Variants in ASIC2 observed in about 807,000 individuals in gnomAD.
ASIC2 encodes the protein acid-sensing ion channel 2.
A neutral mutation model predicts 57.3 loss-of-function variants in ASIC2; 25 were observed. The observed-to-expected ratio is 0.44, with a 90% CI of 0.32 to 0.61. The LOEUF is 0.61. Ranked by LOEUF, ASIC2 falls within the 20% of genes least tolerant of loss-of-function variation. The pLI, the probability that ASIC2 is intolerant of heterozygous loss-of-function variation, is 0.06. For missense variants in ASIC2, 641 were observed against 738.1 expected (o/e 0.87, Z 1.52); for synonymous variants, 319 against 307.5 (o/e 1.04, Z -0.39).
At chr17:34,027,219 T>C (rs1365830396) in intron 1 of ASIC2, among the ~76,000 whole-genome samples, 2 of 152,346 alleles carry the variant, frequency 1.3e-5, no homozygotes, top group East Asian at 3.9e-4. Flanking sequence ...CTGGCAAAGA[T>C]GTATTCCTTG....
At position 33,514,528 on chromosome 17, in the gene ASIC2, A is replaced by G. The variant is rs557854468; in HGVS notation, c.556-402461T>C. Among the ~76,000 whole-genome samples, 10 of 152,336 alleles carry G rather than the reference A, an allele frequency of 6.6e-5. No homozygotes were observed. The South Asian group carries it at 2.1e-3, about 32-fold the overall frequency. On this transcript the variant is annotated intron_variant, in intron 1 of 9. Transcript: ENST00000359872. Reference sequence around the variant, plus strand: ...AGCATTGTTTTTGGACAGGAGGCCAACAAGACAAATGGACTCCTACATTCC... The same window carrying G: ...AGCATTGTTTTTGGACAGGAGGCCAGCAAGACAAATGGACTCCTACATTCC...
chr17:33,458,107 A>T (rs1912512849), intron 1 of ASIC2, among the ~76,000 whole-genome samples: 1 of 152,208 alleles, frequency 6.6e-6, no homozygotes, highest in South Asian at 2.1e-4. Flanking sequence ...TAAGTAGTAG[A>T]TCAATGGCAG....
intron 1 of ASIC2, among the ~76,000 whole-genome samples, chr17:33,120,055 G>A (rs764691977): frequency 1.3e-5 from 2 of 152,224 alleles, no homozygotes; most frequent in Non-Finnish European, 2.9e-5. Flanking sequence ...GAGGCTCTGA[G>A]AGGCTGCATA....
At chr17:33,405,798 C>A (rs1910453535) in intron 1 of ASIC2, among the ~76,000 whole-genome samples, 1 of 152,084 alleles carries the variant, frequency 6.6e-6, no homozygotes, top group Admixed American at 6.6e-5. Flanking sequence ...GCACTCCTTT[C>A]ATATGTAAAC....
chr17:33,724,404 C>A (rs767127906), intron 1 of ASIC2, among the ~76,000 whole-genome samples: 5 of 152,124 alleles, frequency 3.3e-5, no homozygotes, highest in Non-Finnish European at 5.9e-5. Flanking sequence ...AGCCGACTTA[C>A]GTCTGGAAAG....
At position 33,438,646 on chromosome 17, in the gene ASIC2, T is replaced by C. The variant is rs1159288150; in HGVS notation, c.556-326579A>G. On this transcript the variant is annotated intron_variant, in intron 1 of 9. Coordinates refer to the ASIC2 transcript ENST00000359872. Reference sequence around the variant, plus strand: ...TTTCTTAACATCTGAGTTTCCTTCCTATGTTTCCTCTGTGATATGAATTTT... The same window carrying C: ...TTTCTTAACATCTGAGTTTCCTTCCCATGTTTCCTCTGTGATATGAATTTT... 2.0e-5 allele frequency among the ~76,000 whole-genome samples: 3 copies of C among 152,146 alleles called. No individual in the cohort carries two copies. In the East Asian group the frequency reaches 5.8e-4, roughly 29 times the overall value.
intron 1 of ASIC2, among the ~76,000 whole-genome samples, chr17:33,628,597 A>C (rs1040113816): frequency 1.3e-5 from 2 of 151,890 alleles, no homozygotes; most frequent in African/African-American, 4.8e-5. Flanking sequence ...CGCCAACCCT[A>C]TCTGGCTTTT....
At chr17:33,727,650 C>T (rs1051635959) in intron 1 of ASIC2, among the ~76,000 whole-genome samples, 3 of 152,214 alleles carry the variant, frequency 2.0e-5, no homozygotes, top group African/African-American at 7.2e-5. Flanking sequence ...CCCACACCTT[C>T]TACCATGACT....
chr17:33,670,037 C>A (rs1450236941), intron 1 of ASIC2, among the ~76,000 whole-genome samples: 1 of 152,150 alleles, frequency 6.6e-6, no homozygotes, highest in Non-Finnish European at 1.5e-5. Context: ...GGTACTCATG[C>A]AAGGCTGAGT....
In ASIC2 at chr17:33,047,253, GTCC is replaced by G. The variant is rs2091959291; in HGVS notation, c.988-18864_988-18862del. Reference sequence around the variant, plus strand: ...TCTCAGAGTTGAGGGTGAATTCCCTGTCCTCATCCCTAGAAATGCTGCAATCCT... The same window carrying G: ...TCTCAGAGTTGAGGGTGAATTCCCTGTCATCCCTAGAAATGCTGCAATCCT... On this transcript the variant is annotated intron_variant, in intron 3 of 9. Coordinates refer to ENST00000225823, the MANE Select transcript of ASIC2 (RefSeq NM_183377.2). 4.6e-5 allele frequency among the ~76,000 whole-genome samples: 7 copies of G among 152,258 alleles called. No homozygotes were observed. The South Asian group carries it at 1.5e-3, about 32-fold the overall frequency.
intron 1 of ASIC2, among the ~76,000 whole-genome samples, chr17:33,289,714 C>T (rs773695608): frequency 4.9e-4 from 75 of 152,268 alleles, no homozygotes; most frequent in Admixed American, 1.5e-3. Flanking sequence ...CGCAGGGCTG[C>T]GGTGAGTATC....
chr17:33,219,516 T>C (rs193070958), intron 1 of ASIC2, among the ~76,000 whole-genome samples: 50 of 152,324 alleles, frequency 3.3e-4, no homozygotes, highest in African/African-American at 1.2e-3. Flanking sequence ...TGCTGTCTCC[T>C]CTTCATAGAT....
intron 1 of ASIC2, among the ~76,000 whole-genome samples, chr17:33,229,141 A>G (rs374324285): frequency 1.3e-5 from 2 of 152,110 alleles, no homozygotes; most frequent in South Asian, 2.1e-4. Flanking sequence ...CAAATCACCT[A>G]GCTTCTCTGA....
intron 1 of ASIC2, among the ~76,000 whole-genome samples, chr17:33,392,711 C>A (rs541017342): frequency 6.6e-6 from 1 of 152,162 alleles, no homozygotes; most frequent in Non-Finnish European, 1.5e-5. Context: ...CTAGGTCTTG[C>A]ACAGGAACCA....
intron 1 of ASIC2, among the ~76,000 whole-genome samples, chr17:33,150,424 C>G (rs1440284748): frequency 6.6e-6 from 1 of 152,176 alleles, no homozygotes; most frequent in Admixed American, 6.5e-5. Context: ...AAGGAATGCT[C>G]AAATCCTCCT....
chr17:33,853,597 T>C (rs1913834622), intron 1 of ASIC2, among the ~76,000 whole-genome samples: 1 of 152,214 alleles, frequency 6.6e-6, no homozygotes, highest in Non-Finnish European at 1.5e-5. Context: ...CCATTAATGA[T>C]GCCAGTGGTC....
intron 1 of ASIC2, among the ~76,000 whole-genome samples, chr17:33,171,632 G>A (rs1905525241): frequency 6.6e-6 from 1 of 152,180 alleles, no homozygotes; most frequent in Non-Finnish European, 1.5e-5. Context: ...CCTCCAATGT[G>A]TTCTCCAAAT....
chr17:33,135,466 C>T (rs930334692), intron 1 of ASIC2, among the ~76,000 whole-genome samples: 17 of 152,206 alleles, frequency 1.1e-4, no homozygotes, highest in Middle Eastern at 3.2e-3. Flanking sequence ...CTCCATTTGA[C>T]TCCAGGCTCC....
At chr17:33,135,661 T>C (rs1371432561) in intron 1 of ASIC2, among the ~76,000 whole-genome samples, 1 of 152,060 alleles carries the variant, frequency 6.6e-6, no homozygotes, top group Non-Finnish European at 1.5e-5. Flanking sequence ...CATGTCACCA[T>C]GTTGACAAGG....
Sources: gnomAD v4.1 joint callset for allele counts (sites outside exome capture counted in the v4.1 genomes callset) on GRCh38, gnomAD v4.1.1 for gene constraint, MANE v1.5 for transcripts, NCBI Gene and HGNC (gene_info 2026-07-23, HGNC 2026-07-21) for gene names.